The following RAB38 variants were observed in gnomAD, a reference collection of about 807,000 sequenced individuals.
The protein encoded by RAB38 is ras-related protein Rab-38.
A neutral mutation model predicts 18.4 loss-of-function variants in RAB38; 15 were observed. The observed-to-expected ratio is 0.82, with a 90% CI of 0.55 to 1.26. RAB38 has a LOEUF of 1.26. Among genes scored for constraint, RAB38 ranks in the 50% most tolerant of loss-of-function variants. The pLI, the probability that RAB38 is intolerant of heterozygous loss-of-function variation, is 0.00. For synonymous variants in RAB38, 101 were observed against 104.4 expected, an observed-to-expected ratio of 0.97 and a Z score of 0.20; for missense variants, 294 against 267.4, an observed-to-expected ratio of 1.10 and a Z score of -0.69.
the RAB38 span, among the ~76,000 whole-genome samples, chr11:87,832,131 A>G: frequency 1.3e-5 from 2 of 152,202 alleles, no homozygotes; most frequent in African/African-American, 4.8e-5. Context: ...GCAGTAAAAT[A>G]CTTGTTGAGC....
At chr11:88,155,003 C>G (rs1328677077) in intron 1 of RAB38, among the ~76,000 whole-genome samples, 2 of 152,212 alleles carry the variant, frequency 1.3e-5, no homozygotes, top group African/African-American at 4.8e-5. Context: ...GCTCTCTAGG[C>G]ATCTGAAGCA....
chr11:87,868,324 G>C, the RAB38 span, among the ~76,000 whole-genome samples: 2 of 151,524 alleles, frequency 1.3e-5, no homozygotes, highest in Non-Finnish European at 3.0e-5. Context: ...ATCTGTGCAC[G>C]TCAGCTCCTG....
intron 2 of RAB38, among the ~76,000 whole-genome samples, chr11:88,148,907 T>G (rs1943026040): frequency 6.6e-6 from 1 of 152,192 alleles, no homozygotes. Flanking sequence ...ATTTTCAAAT[T>G]TTGCCATGAA....
chr11:87,858,070 C>A, the RAB38 span, among the ~76,000 whole-genome samples: 1 of 152,214 alleles, frequency 6.6e-6, no homozygotes, highest in African/African-American at 2.4e-5. Flanking sequence ...CCAGTTTCAG[C>A]TTTCTACATA....
At chr11:87,849,775 A>G in the RAB38 span, among the ~76,000 whole-genome samples, 1 of 152,160 alleles carries the variant, frequency 6.6e-6, no homozygotes, top group African/African-American at 2.4e-5. Flanking sequence ...GGTAAGTGTC[A>G]TAGAACTTGA....
the RAB38 span, among the ~76,000 whole-genome samples, chr11:87,842,847 A>T: frequency 1.4e-5 from 2 of 141,754 alleles, no homozygotes; most frequent in Non-Finnish European, 3.1e-5. Flanking sequence ...CACACACACA[A>T]ATCCCTTTTT....
At chr11:88,112,869 AAAT>A (rs1463880339), downstream of RAB38, among the ~76,000 whole-genome samples, 1 of 152,090 alleles carries the variant, frequency 6.6e-6, no homozygotes, top group Non-Finnish European at 1.5e-5. Flanking sequence ...TGACATTAAA[AAAT>A]AATAGCTACC....
At chr11:87,890,784 G>C in the RAB38 span, among the ~76,000 whole-genome samples, 1 of 151,744 alleles carries the variant, frequency 6.6e-6, no homozygotes, top group Non-Finnish European at 1.5e-5. Context: ...TATTTTTCAA[G>C]AAAAATTTGA....
At chr11:87,878,726 A>T in the RAB38 span, among the ~76,000 whole-genome samples, 2 of 151,722 alleles carry the variant, frequency 1.3e-5, no homozygotes, top group Non-Finnish European at 3.0e-5. Flanking sequence ...TAGCTTTTAA[A>T]GCCAGCTGTG....
chr11:88,138,051 T>C (rs1942858220), intron 2 of RAB38, among the ~76,000 whole-genome samples: 1 of 152,154 alleles, frequency 6.6e-6, no homozygotes, highest in Non-Finnish European at 1.5e-5. Context: ...GAGGCTATGT[T>C]CCAGCAAAAC....
At chr11:88,123,608 A>C (rs1024549649) in intron 2 of RAB38, among the ~76,000 whole-genome samples, 2 of 152,238 alleles carry the variant, frequency 1.3e-5, no homozygotes, top group Non-Finnish European at 2.9e-5. Context: ...GCAGTAAAGC[A>C]GACATAGGTT....
chr11:88,042,845 A>C, the RAB38 span, among the ~76,000 whole-genome samples: 1 of 152,228 alleles, frequency 6.6e-6, no homozygotes, highest in South Asian at 2.1e-4. Flanking sequence ...CTTATTCAGC[A>C]ATCATTCAGT....
chr11:88,094,674 A>G, the RAB38 span, among the ~76,000 whole-genome samples: 1 of 151,882 alleles, frequency 6.6e-6, no homozygotes, highest in Non-Finnish European at 1.5e-5. Context: ...CTCAAGTTGA[A>G]TCTAAATTTC....
the RAB38 span, among the ~76,000 whole-genome samples, chr11:87,903,924 CTTTA>C: frequency 1.3e-5 from 2 of 150,988 alleles, no homozygotes; most frequent in South Asian, 2.1e-4. Flanking sequence ...TTTTCTTTTT[CTTTA>C]TTTGTCTGGG....
At chr11:87,904,525 C>A in the RAB38 span, among the ~76,000 whole-genome samples, 1 of 151,706 alleles carries the variant, frequency 6.6e-6, no homozygotes, top group Admixed American at 6.6e-5. Context: ...CATGCCTTTG[C>A]CACTATGAAT....
chr11:88,108,984 T>C (rs969484083), downstream of RAB38, among the ~76,000 whole-genome samples: 8 of 152,208 alleles, frequency 5.3e-5, no homozygotes, highest in Admixed American at 3.9e-4. Context: ...TTCTGGCTTG[T>C]AGGGTTTCTG....
chr11:87,847,509 CTCTT>C, the RAB38 span, among the ~76,000 whole-genome samples: 1 of 152,088 alleles, frequency 6.6e-6, no homozygotes, highest in African/African-American at 2.4e-5. Flanking sequence ...AATTCTCCCT[CTCTT>C]TCAAAACAAA....
the RAB38 span, among the ~76,000 whole-genome samples, chr11:88,032,518 T>TCAAA: frequency 6.6e-6 from 1 of 150,702 alleles, no homozygotes; most frequent in Non-Finnish European, 1.5e-5. Context: ...TACAATGAAC[T>TCAAA]CAAATTTACA....
At chr11:87,976,673 AT>A in the RAB38 span, among the ~76,000 whole-genome samples, 29,674 of 108,306 alleles carry the variant, frequency 0.27, 4,732 homozygotes, top group Non-Finnish European at 0.36. Flanking sequence ...ATTTTATATG[AT>A]ATATATTTAT....
Sources: gnomAD v4.1 joint callset for allele counts (sites outside exome capture counted in the v4.1 genomes callset) on GRCh38, gnomAD v4.1.1 for gene constraint, MANE v1.5 for transcripts, NCBI Gene and HGNC (gene_info 2026-07-23, HGNC 2026-07-21) for gene names.